The following SGCZ variants were observed in gnomAD, a reference collection of about 807,000 sequenced individuals.
The protein encoded by SGCZ is sarcoglycan zeta.
A neutral mutation model predicts 41.3 loss-of-function variants in SGCZ; 40 were observed. The observed-to-expected ratio is 0.97, with a 90% CI of 0.75 to 1.26. The LOEUF is 1.26. Ranked by LOEUF, SGCZ falls within the 50% of genes most tolerant of loss-of-function variation. The probability of loss-of-function intolerance (pLI) is 0.00; values close to 1 mark genes in which losing one functional copy is unlikely to be tolerated. For missense variants in SGCZ, 552 were observed against 369.8 expected, an observed-to-expected ratio of 1.49 and a Z score of -4.04; for synonymous variants, 206 against 137.5, an observed-to-expected ratio of 1.50 and a Z score of -3.49.
chr8:14,240,000 T>C (rs1169456387), intron 3 of SGCZ, among the ~76,000 whole-genome samples: 1 of 151,094 alleles, frequency 6.6e-6, no homozygotes, highest in Non-Finnish European at 1.5e-5. Context: ...ATGGATAGTT[T>C]ACTTAATTTA....
At chr8:14,259,810 A>G (rs1799591171) in intron 3 of SGCZ, among the ~76,000 whole-genome samples, 1 of 150,556 alleles carries the variant, frequency 6.6e-6, no homozygotes, top group African/African-American at 2.4e-5. Flanking sequence ...TTTTGGTTCC[A>G]TATGAACTTT....
At chr8:14,564,500 AAT>A (rs1398831766) in intron 1 of SGCZ, among the ~76,000 whole-genome samples, 8 of 152,128 alleles carry the variant, frequency 5.3e-5, no homozygotes, top group Non-Finnish European at 1.2e-4. Context: ...TCAAAGCTCA[AAT>A]GCATATTACA....
chr8:14,186,791 TA>T (rs1804916640), intron 4 of SGCZ, among the ~76,000 whole-genome samples: 1 of 152,054 alleles, frequency 6.6e-6, no homozygotes. Flanking sequence ...TGAAAGTAAT[TA>T]AAAGGAGACC....
chr8:14,302,719 T>A (rs1425353231), intron 3 of SGCZ, among the ~76,000 whole-genome samples: 1 of 152,152 alleles, frequency 6.6e-6, no homozygotes, highest in African/African-American at 2.4e-5. Context: ...CTGTCCAAAC[T>A]AATACTATAT....
At chr8:14,188,618 C>G (rs999011236) in intron 4 of SGCZ, among the ~76,000 whole-genome samples, 4 of 152,122 alleles carry the variant, frequency 2.6e-5, no homozygotes, top group African/African-American at 9.7e-5. Flanking sequence ...CTGAAATTGA[C>G]TGTGGTGGCA....
intron 1 of SGCZ, among the ~76,000 whole-genome samples, chr8:14,692,465 T>A (rs1563206132): frequency 6.6e-6 from 1 of 152,048 alleles, no homozygotes; most frequent in Non-Finnish European, 1.5e-5. Context: ...TATCCACCAA[T>A]AATACAGTAA....
At chr8:14,733,545 T>C (rs560013467) in intron 1 of SGCZ, among the ~76,000 whole-genome samples, 31 of 152,344 alleles carry the variant, frequency 2.0e-4, no homozygotes, top group African/African-American at 6.7e-4. Flanking sequence ...TCCACTACTA[T>C]TAATTCTAAT....
intron 2 of SGCZ, among the ~76,000 whole-genome samples, chr8:14,373,528 G>C (rs151024203): frequency 6.6e-6 from 1 of 152,070 alleles, no homozygotes; most frequent in South Asian, 2.1e-4. Context: ...AAATTATTAG[G>C]TTCAATCAGG....
At chr8:15,082,143 C>A (rs986839115) in intron 1 of SGCZ, among the ~76,000 whole-genome samples, 6 of 151,856 alleles carry the variant, frequency 4.0e-5, no homozygotes, top group African/African-American at 1.5e-4. Flanking sequence ...GCAGGAGAAT[C>A]GCTTGAACCC....
chr8:14,811,746 G>A (rs1462027899), intron 1 of SGCZ, among the ~76,000 whole-genome samples: 4 of 151,556 alleles, frequency 2.6e-5, no homozygotes, highest in Non-Finnish European at 4.4e-5. Flanking sequence ...AGCAATTCCA[G>A]GTAACAGAAA....
chr8:14,382,843 C>A (rs1309929651), intron 2 of SGCZ, among the ~76,000 whole-genome samples: 1 of 152,090 alleles, frequency 6.6e-6, no homozygotes, highest in African/African-American at 2.4e-5. Context: ...AAATTCAAAC[C>A]AAACTGCTAG....
At chr8:14,673,165 C>G (rs955607535) in intron 1 of SGCZ, among the ~76,000 whole-genome samples, 1 of 152,038 alleles carries the variant, frequency 6.6e-6, no homozygotes, top group Non-Finnish European at 1.5e-5. Context: ...TGATGTTTAC[C>G]CTGTATTGTA....
intron 1 of SGCZ, among the ~76,000 whole-genome samples, chr8:14,841,405 G>T (rs1487616466): frequency 2.0e-5 from 3 of 152,058 alleles, no homozygotes; most frequent in African/African-American, 7.2e-5. Flanking sequence ...ATGTTGTAAT[G>T]GGAGGATTCA....
intron 1 of SGCZ, among the ~76,000 whole-genome samples, chr8:14,988,031 C>G (rs935924407): frequency 6.6e-6 from 1 of 151,848 alleles, no homozygotes; most frequent in African/African-American, 2.4e-5. Flanking sequence ...CTTATTTGAG[C>G]CTACCATCCT....
At chr8:15,142,757 A>T (rs1314884054) in intron 1 of SGCZ, among the ~76,000 whole-genome samples, 1 of 148,894 alleles carries the variant, frequency 6.7e-6, no homozygotes, top group Non-Finnish European at 1.5e-5. Flanking sequence ...GCCTACAGGC[A>T]CACATCACCG....
At chr8:14,351,037 G>A (rs1019868993) in intron 2 of SGCZ, among the ~76,000 whole-genome samples, 1 of 152,032 alleles carries the variant, frequency 6.6e-6, no homozygotes, top group African/African-American at 2.4e-5. Flanking sequence ...CAACTTGACT[G>A]CTTGTTAACA....
chr8:14,599,410 T>C (rs749946959), intron 1 of SGCZ, among the ~76,000 whole-genome samples: 2 of 152,226 alleles, frequency 1.3e-5, no homozygotes, highest in African/African-American at 2.4e-5. Flanking sequence ...ACATACATTC[T>C]CAGGTAAATG....
intron 1 of SGCZ, among the ~76,000 whole-genome samples, chr8:14,681,319 AAGTGC>A (rs1808440021): frequency 6.6e-6 from 1 of 152,186 alleles, no homozygotes; most frequent in Admixed American, 6.5e-5. Context: ...CAAGACAATG[AAGTGC>A]CATATCTAAT....
At chr8:15,022,731 T>A (rs1287107918) in intron 1 of SGCZ, among the ~76,000 whole-genome samples, 5 of 152,188 alleles carry the variant, frequency 3.3e-5, no homozygotes, top group African/African-American at 1.2e-4. Context: ...AGACAAAACA[T>A]GGCAATAGTA....
Sources: allele counts gnomAD v4.1 joint callset (sites outside exome capture counted in the v4.1 genomes callset), GRCh38; gene constraint gnomAD v4.1.1; transcripts MANE v1.5; gene names NCBI Gene and HGNC (gene_info 2026-07-23, HGNC 2026-07-21).